The following C3orf20 variants were observed in gnomAD, a reference collection of about 807,000 sequenced individuals.
C3orf20 encodes the protein family with sequence similarity 149 member C, also known as uncharacterized protein C3orf20.
Under a neutral mutation model 88.3 loss-of-function variants are expected in C3orf20, and 76 were observed. The observed-to-expected ratio is 0.86, with a 90% confidence interval of 0.72 to 1.04. C3orf20 has a LOEUF of 1.04. C3orf20 is among the 50% of genes least tolerant of loss of function. C3orf20 has a pLI of 0.00. For synonymous variants in C3orf20, 436 were observed against 437.4 expected, an observed-to-expected ratio of 1.00 and a Z score of 0.04; for missense variants, 1,056 against 1,123.3, an observed-to-expected ratio of 0.94 and a Z score of 0.86.
In C3orf20 at chr3:14,759,938, C is replaced by T. The variant is rs1172899701; in HGVS notation, c.2292C>T (p.Pro764=). 6.2e-7 allele frequency: 1 copy of T among 1,614,044 alleles called. No individual in the cohort carries two copies. Among genetic ancestry groups the T allele is most frequent in the Non-Finnish European group, 8.5e-7 (1 of 1,180,022 alleles). The change falls in exon 14 of 17, where the codon CCC becomes CCT. Residue 764 remains proline, a synonymous_variant. Coordinates refer to ENST00000253697, the MANE Select transcript of C3orf20 (RefSeq NM_032137.5). ...YRLLQYDLDS[P]LQEDPPLMVK... is the part of the protein sequence containing the mutation. ...TGCTGCAGTATGACCTGGACAGCCC[C>T]CTGCAGGAGGACCCTCCCCTGATGG...
chr3:14,708,545 TC>T (rs1277237329), intron 7 of C3orf20, among the ~76,000 whole-genome samples: 1 of 152,142 alleles, frequency 6.6e-6, no homozygotes, highest in African/African-American at 2.4e-5. Context: ...AGTCAGGTTT[TC>T]CATTTCCACA....
intron 5 of C3orf20, 49 bp from the exon 6 acceptor site, chr3:14,703,081 G>T: frequency 6.2e-7 from 1 of 1,604,476 alleles, no homozygotes; most frequent in Non-Finnish European, 8.5e-7. Flanking sequence ...CAAAAGGTGG[G>T]TTCCCATGGT....
intron 1 of C3orf20, among the ~76,000 whole-genome samples, chr3:14,678,423 C>T (rs1427578419): frequency 3.3e-5 from 5 of 152,194 alleles, no homozygotes; most frequent in Admixed American, 2.0e-4. Context: ...GTTTCCATTC[C>T]GCCTTGCAGA....
At chr3:14,761,410 T>C in intron 14 of C3orf20, 63 bp from the exon 15 acceptor site, 4 of 1,597,168 alleles carry the variant, frequency 2.5e-6, no homozygotes, top group Non-Finnish European at 3.4e-6. Flanking sequence ...TTGCCTGTCT[T>C]ATCAGTGGAC....
At chr3:14,736,764 A>C (rs1285609665) in intron 12 of C3orf20, among the ~76,000 whole-genome samples, 9 of 151,546 alleles carry the variant, frequency 5.9e-5, no homozygotes, top group Non-Finnish European at 1.0e-4. Context: ...ATGGGGCTTC[A>C]CCATGTTGCT....
Position 14,721,760 on chromosome 3 carries a change from C to A in C3orf20, c.1542C>A (p.Pro514=). The change falls in exon 10 of 17, where the codon CCC becomes CCA. Residue 514 remains proline (P), a synonymous_variant. Coordinates refer to ENST00000253697, the MANE Select transcript of C3orf20 (RefSeq NM_032137.5). The part of the protein sequence containing the change: ...VTLTVSANNC[P]HGMAYDKRLN... Reference sequence around the variant, plus strand: ...TCACTGTGTCGGCCAACAATTGTCCCCATGGAATGGCATATGACAAACGGG... The same window carrying A: ...TCACTGTGTCGGCCAACAATTGTCCACATGGAATGGCATATGACAAACGGG... 2 of 1,614,176 alleles carry A rather than the reference C, an allele frequency of 1.2e-6. No individual in the cohort carries two copies. Among genetic ancestry groups the A allele is most frequent in the Non-Finnish European group, 1.7e-6 (2 of 1,180,032 alleles).
At chr3:14,711,532 A>G (rs796326719) in intron 7 of C3orf20, among the ~76,000 whole-genome samples, 1 of 151,394 alleles carries the variant, frequency 6.6e-6, no homozygotes, top group African/African-American at 2.4e-5. Flanking sequence ...CTATCATTTC[A>G]CTTTCAACCA....
chr3:14,681,324 A>G (rs1228695219), intron 1 of C3orf20, among the ~76,000 whole-genome samples: 1 of 152,234 alleles, frequency 6.6e-6, no homozygotes, highest in Non-Finnish European at 1.5e-5. Context: ...GGGTTTGAAA[A>G]GGGAAAGGGA....
At chr3:14,750,228 T>G (rs2035180599) in intron 12 of C3orf20, among the ~76,000 whole-genome samples, 1 of 152,186 alleles carries the variant, frequency 6.6e-6, no homozygotes, top group Admixed American at 6.5e-5. Flanking sequence ...CTCCTTCATT[T>G]TTGAAGGATA....
chr3:14,730,063 C>T (rs957131268), intron 12 of C3orf20, among the ~76,000 whole-genome samples: 15 of 152,194 alleles, frequency 9.9e-5, no homozygotes, highest in African/African-American at 3.4e-4. Context: ...TGACCAATCT[C>T]ACCCTCCTTC....
At chr3:14,765,816 G>A (rs1188236402) in intron 15 of C3orf20, among the ~76,000 whole-genome samples, 1 of 152,238 alleles carries the variant, frequency 6.6e-6, no homozygotes, top group Non-Finnish European at 1.5e-5. Context: ...AATCTGTGAA[G>A]CCGCCATGGA....
intron 7 of C3orf20, among the ~76,000 whole-genome samples, chr3:14,705,125 C>T (rs116776905): frequency 6.6e-6 from 1 of 152,348 alleles, no homozygotes; most frequent in African/African-American, 2.4e-5. Context: ...GACTGCTCTG[C>T]AGCTGAGATC....
In C3orf20 at chr3:14,727,014, G is replaced by A; in HGVS notation, c.1680G>A (p.Leu560=). 6.2e-7 allele frequency: 1 copy of A among 1,614,142 alleles called. No individual in the cohort carries two copies. Among genetic ancestry groups the A allele is most frequent in the South Asian group, 1.1e-5 (1 of 91,068 alleles). Residue 560 remains leucine (L), a synonymous_variant, in exon 11 of 17, where the codon TTG becomes TTA. Transcript: ENST00000253697. ...KTVTQFINSI[L]LAAGLFTIEY... ...TGACTCAGTTCATTAATTCTATCTT[G>A]CTGGCCGCAGGTAAGGAGGCTGAAA...
At chr3:14,679,683 T>C (rs2031979844) in intron 1 of C3orf20, among the ~76,000 whole-genome samples, 1 of 152,082 alleles carries the variant, frequency 6.6e-6, no homozygotes. Context: ...CTGAAGGCAG[T>C]CTCCTTCAAA....
At chr3:14,694,209 A>G (rs919122482) in intron 5 of C3orf20, among the ~76,000 whole-genome samples, 1 of 152,100 alleles carries the variant, frequency 6.6e-6, no homozygotes, top group Admixed American at 6.5e-5. Flanking sequence ...GGCATCATAG[A>G]ATGAGTTTAT....
At chr3:14,748,979 T>A (rs1311289432) in intron 12 of C3orf20, among the ~76,000 whole-genome samples, 1 of 152,248 alleles carries the variant, frequency 6.6e-6, no homozygotes, top group Non-Finnish European at 1.5e-5. Flanking sequence ...TGGTTTATAA[T>A]GTTCTTCAAG....
At chr3:14,728,805 A>G in intron 12 of C3orf20, 117 bp downstream of exon 12, 2 of 939,496 alleles carry the variant, frequency 2.1e-6, no homozygotes, top group East Asian at 2.6e-5. Flanking sequence ...TCCAAGGGCA[A>G]GTAAAGTGAG....
chr3:14,725,734 A>G (rs1031829395), intron 10 of C3orf20, among the ~76,000 whole-genome samples: 4 of 152,072 alleles, frequency 2.6e-5, no homozygotes, highest in Admixed American at 6.5e-5. Flanking sequence ...GATACTGCCC[A>G]CCCCACTCTT....
intron 12 of C3orf20, among the ~76,000 whole-genome samples, chr3:14,749,128 T>C (rs1429654991): frequency 6.6e-6 from 1 of 152,244 alleles, no homozygotes; most frequent in African/African-American, 2.4e-5. Flanking sequence ...TTAGGGACTC[T>C]ATTGTTACAT....
Sources: gnomAD v4.1 joint callset for allele counts (sites outside exome capture counted in the v4.1 genomes callset) on GRCh38, gnomAD v4.1.1 for gene constraint, MANE v1.5 for transcripts, NCBI Gene and HGNC (gene_info 2026-07-23, HGNC 2026-07-21) for gene names.